The following LRRC7 variants were observed in gnomAD, a reference collection of about 807,000 sequenced individuals.
The protein encoded by LRRC7 is leucine rich repeat containing 7.
Under a neutral mutation model 175.7 loss-of-function variants are expected in LRRC7, and 23 were observed. The ratio of observed to expected loss-of-function variants is 0.13; its 90% CI spans 0.09 to 0.19. The LOEUF (loss-of-function observed/expected upper bound fraction) is 0.19, where lower values mean the gene tolerates loss of function less well. Ranked by LOEUF, LRRC7 falls within the 10% of genes least tolerant of loss-of-function variation. LRRC7 has a pLI of 1.00. For missense variants in LRRC7, 1,354 were observed against 1,904.7 expected (o/e 0.71, Z 5.38); for synonymous variants, 685 against 680.9 (o/e 1.01, Z -0.09).
At chr1:69,826,010 G>A (rs1441889170) in intron 5 of LRRC7, among the ~76,000 whole-genome samples, 184 bp downstream of exon 5, 2 of 152,116 alleles carry the variant, frequency 1.3e-5, no homozygotes, top group Non-Finnish European at 2.9e-5. Flanking sequence ...TTGCTGAGTA[G>A]CAAGGAAGAC....
rs866372207 is a variant in LRRC7 at position 69,717,777 on chromosome 1, A to G, written c.100+39299A>G. 4.4e-3 allele frequency among the ~76,000 whole-genome samples: 74 copies of G among 16,940 alleles called. 6 individuals carry two copies. The highest frequency in any genetic ancestry group is 0.019 in the African/African-American group (71 of 3,792). 11.1% of individuals were successfully genotyped at this position (16,940 alleles called of 152,430 possible). The stretch of plus-strand genomic sequence containing the variant: ...GAACATGAAAAAAAGAAAAAAAGAA[A>G]GAAAGAAAGAAAGAAAGAAAGAAAG... On this transcript the variant is annotated intron_variant, in intron 2 of 26. Transcript: ENST00000651989.
rs533360985 is a variant in LRRC7, at chr1:70,135,922, C to T, written c.*14035C>T. Among the ~76,000 whole-genome samples, 3 of 152,278 alleles carry T rather than the reference C, an allele frequency of 2.0e-5. No homozygotes were observed. The highest frequency in any genetic ancestry group is 7.2e-5 in the African/African-American group (3 of 41,550). ...TCTCACAGTCTCATTATGATCAAGA[C>T]AGATATTCTAGCAGGACATCACTGC... On this transcript the variant is annotated 3_prime_UTR_variant, in exon 27 of 27. Transcript: ENST00000651989.
At chr1:69,914,802 T>C (rs1043273464) in intron 7 of LRRC7, among the ~76,000 whole-genome samples, 4 of 152,162 alleles carry the variant, frequency 2.6e-5, no homozygotes, top group African/African-American at 4.8e-5. Flanking sequence ...TGTCTATTTG[T>C]TAACATATCG....
intron 2 of LRRC7, among the ~76,000 whole-genome samples, chr1:69,718,628 A>G (rs1176011267): frequency 6.6e-6 from 1 of 151,948 alleles, no homozygotes; most frequent in East Asian, 1.9e-4. Flanking sequence ...GTACTGAGTG[A>G]AAAGGAAACA....
chr1:69,582,045 G>A (rs1384074160), intron 1 of LRRC7, among the ~76,000 whole-genome samples: 1 of 152,116 alleles, frequency 6.6e-6, no homozygotes, highest in Non-Finnish European at 1.5e-5. Context: ...CCCATACGTG[G>A]TATCTTTTCC....
chr1:70,117,541 A>G (rs1665940268), intron 26 of LRRC7, among the ~76,000 whole-genome samples: 1 of 152,174 alleles, frequency 6.6e-6, no homozygotes, highest in Non-Finnish European at 1.5e-5. Context: ...AGAGACAATT[A>G]AAAAACATTT....
chr1:69,616,904 T>C (rs1391150548), intron 1 of LRRC7, among the ~76,000 whole-genome samples: 1 of 152,198 alleles, frequency 6.6e-6, no homozygotes. Context: ...AATATACTAC[T>C]GGAAAGTGAG....
intron 6 of LRRC7, among the ~76,000 whole-genome samples, chr1:69,835,764 A>T (rs1376503996): frequency 6.6e-6 from 1 of 152,092 alleles, no homozygotes; most frequent in Non-Finnish European, 1.5e-5. Context: ...GGAATCACAC[A>T]TCTGTCTAGG....
intron 1 of LRRC7, among the ~76,000 whole-genome samples, chr1:69,652,629 C>A (rs1314466606): frequency 6.6e-6 from 1 of 151,646 alleles, no homozygotes. Flanking sequence ...TTTTTCAATT[C>A]TATAATTTGG....
chr1:69,958,809 T>C (rs1201694816), intron 8 of LRRC7, among the ~76,000 whole-genome samples: 1 of 152,098 alleles, frequency 6.6e-6, no homozygotes, highest in African/African-American at 2.4e-5. Flanking sequence ...TGCCACATTT[T>C]GTCAGAGGAA....
At chr1:69,904,795 A>G (rs895324867) in intron 7 of LRRC7, among the ~76,000 whole-genome samples, 5 of 152,070 alleles carry the variant, frequency 3.3e-5, no homozygotes, top group African/African-American at 1.2e-4. Context: ...CATACCCAAT[A>G]AGCAGTTTTT....
chr1:69,610,696 A>C (rs1029247263), intron 1 of LRRC7, among the ~76,000 whole-genome samples: 1 of 152,064 alleles, frequency 6.6e-6, no homozygotes, highest in Non-Finnish European at 1.5e-5. Flanking sequence ...AAGAGAGAGC[A>C]CTTTTAAAAA....
intron 25 of LRRC7, among the ~76,000 whole-genome samples, chr1:70,098,439 A>C (rs1397600884): frequency 6.7e-6 from 1 of 148,530 alleles, no homozygotes; most frequent in Admixed American, 6.7e-5. Context: ...ACACATTCAA[A>C]AGCTAGCAGA....
At chr1:69,619,623 C>T (rs1284990664) in intron 1 of LRRC7, among the ~76,000 whole-genome samples, 2 of 152,048 alleles carry the variant, frequency 1.3e-5, no homozygotes, top group South Asian at 2.1e-4. Context: ...TAATTTCCCC[C>T]CAAAATTAAC....
chr1:69,623,585 T>C (rs1194131903), intron 1 of LRRC7, among the ~76,000 whole-genome samples: 1 of 149,182 alleles, frequency 6.7e-6, no homozygotes, highest in Non-Finnish European at 1.5e-5. Flanking sequence ...AGTTTCACTC[T>C]TGTTGCCCAG....
intron 4 of LRRC7, among the ~76,000 whole-genome samples, 198 bp from the exon 5 acceptor site, chr1:69,825,550 C>G (rs1004309758): frequency 6.6e-6 from 1 of 151,696 alleles, no homozygotes; most frequent in Non-Finnish European, 1.5e-5. Context: ...AACATTCAAC[C>G]TTTATTAAAA....
intron 26 of LRRC7, among the ~76,000 whole-genome samples, chr1:70,113,017 A>T (rs1057143624): frequency 6.6e-6 from 1 of 152,148 alleles, no homozygotes; most frequent in Admixed American, 6.6e-5. Flanking sequence ...CATGGAGATG[A>T]GTTGGAGCGA....
chr1:69,979,134 T>G (rs987951778), intron 8 of LRRC7, among the ~76,000 whole-genome samples: 1 of 152,210 alleles, frequency 6.6e-6, no homozygotes, highest in African/African-American at 2.4e-5. Context: ...GATTCACTGC[T>G]TTGTATGTGT....
intron 2 of LRRC7, among the ~76,000 whole-genome samples, chr1:69,692,716 C>A (rs549837180): frequency 5.9e-5 from 9 of 152,298 alleles, no homozygotes; most frequent in Non-Finnish European, 1.3e-4. Flanking sequence ...GTATGGCTCT[C>A]CCTCTTGTGT....
Sources: allele counts gnomAD v4.1 joint callset (sites outside exome capture counted in the v4.1 genomes callset), GRCh38; gene constraint gnomAD v4.1.1; transcripts MANE v1.5; gene names NCBI Gene and HGNC (gene_info 2026-07-23, HGNC 2026-07-21).